The following UBE2E2 variants were observed in gnomAD, a reference collection of about 807,000 sequenced individuals.
UBE2E2 encodes ubiquitin-conjugating enzyme E2 E2.
A neutral mutation model predicts 24.7 loss-of-function variants in UBE2E2; 6 were observed. The observed-to-expected ratio is 0.24, with a 90% confidence interval of 0.13 to 0.48. The LOEUF (loss-of-function observed/expected upper bound fraction) is 0.48, where lower values mean the gene tolerates loss of function less well. Among genes scored for constraint, UBE2E2 ranks in the 20% least tolerant of loss-of-function variants. The probability of loss-of-function intolerance (pLI) is 0.99; values close to 1 mark genes in which losing one functional copy is unlikely to be tolerated. For missense variants in UBE2E2, 169 were observed against 245.0 expected (o/e 0.69, Z 2.07); for synonymous variants, 104 against 83.6 (o/e 1.24, Z -1.33).
At chr3:23,274,412 C>T (rs1038556901) in intron 3 of UBE2E2, among the ~76,000 whole-genome samples, 1 of 152,046 alleles carries the variant, frequency 6.6e-6, no homozygotes, top group Non-Finnish European at 1.5e-5. Context: ...TTGCGGCAGG[C>T]TGCAGTGCAG....
At chr3:23,332,370 C>T (rs1359863641) in intron 3 of UBE2E2, among the ~76,000 whole-genome samples, 2 of 152,112 alleles carry the variant, frequency 1.3e-5, no homozygotes, top group South Asian at 4.1e-4. Flanking sequence ...TCTTGAACTC[C>T]TGGGCTCAAG....
intron 3 of UBE2E2, among the ~76,000 whole-genome samples, chr3:23,464,071 A>G (rs1698870940): frequency 6.6e-6 from 1 of 152,162 alleles, no homozygotes; most frequent in South Asian, 2.1e-4. Flanking sequence ...TATTTAGCAG[A>G]AAATCAACGA....
intron 3 of UBE2E2, among the ~76,000 whole-genome samples, chr3:23,258,221 T>C (rs1012370654): frequency 6.6e-6 from 1 of 152,160 alleles, no homozygotes; most frequent in African/African-American, 2.4e-5. Context: ...AAACAGTCGA[T>C]TCCTCACAAG....
intron 4 of UBE2E2, among the ~76,000 whole-genome samples, chr3:23,530,830 T>C (rs896630872): frequency 2.6e-5 from 4 of 152,142 alleles, no homozygotes; most frequent in African/African-American, 9.7e-5. Flanking sequence ...AACCTCCACT[T>C]TATTAAGACT....
At chr3:23,485,049 G>T (rs1399640943) in intron 3 of UBE2E2, among the ~76,000 whole-genome samples, 1 of 148,350 alleles carries the variant, frequency 6.7e-6, no homozygotes, top group East Asian at 2.0e-4. Context: ...ATTTCCTGAA[G>T]TAATCATAGA....
At chr3:23,359,753 A>T (rs563336220) in intron 3 of UBE2E2, among the ~76,000 whole-genome samples, 1 of 152,142 alleles carries the variant, frequency 6.6e-6, no homozygotes, top group South Asian at 2.1e-4. Flanking sequence ...TCAGGAAATT[A>T]TACTTGCACC....
At chr3:23,228,442 T>TC (rs1358639802) in intron 3 of UBE2E2, among the ~76,000 whole-genome samples, 5 of 152,186 alleles carry the variant, frequency 3.3e-5, no homozygotes, top group African/African-American at 1.2e-4. Flanking sequence ...CATATTACTC[T>TC]CCAACATGTA....
rs141107851 is a variant in UBE2E2 at position 23,287,708 on chromosome 3, A to G, written c.227+70396A>G. On this transcript the variant is annotated intron_variant, in intron 3 of 5. Transcript: ENST00000396703. ...TCTAGGTTTTCAGATGGATTGGCAT[A>G]TCTTTGCTCATAGTGCCCCTAATGA... is the stretch of plus-strand genomic sequence containing the variant. Among the ~76,000 whole-genome samples the G allele has an allele frequency of 2.6e-3, 380 of 148,764 alleles. 3 individuals carry two copies. Among genetic ancestry groups the G allele is most frequent in the African/African-American group, 8.6e-3 (352 of 40,744 alleles).
intron 3 of UBE2E2, among the ~76,000 whole-genome samples, chr3:23,354,284 C>G (rs962955744): frequency 9.9e-5 from 15 of 152,056 alleles, no homozygotes; most frequent in Non-Finnish European, 2.2e-4. Flanking sequence ...CATAAAAACC[C>G]TAGAAGAAAA....
At chr3:23,241,622 A>C (rs2125338446) in intron 3 of UBE2E2, among the ~76,000 whole-genome samples, 1 of 150,908 alleles carries the variant, frequency 6.6e-6, no homozygotes, top group East Asian at 2.0e-4. Context: ...TGATCACCCT[A>C]CCTCAATACA....
At chr3:23,442,824 C>T (rs1698336204) in intron 3 of UBE2E2, among the ~76,000 whole-genome samples, 1 of 152,168 alleles carries the variant, frequency 6.6e-6, no homozygotes, top group Non-Finnish European at 1.5e-5. Context: ...TGTAGCTCTG[C>T]CTGGGGTTTC....
intron 3 of UBE2E2, among the ~76,000 whole-genome samples, chr3:23,293,382 T>A (rs1345489143): frequency 6.6e-6 from 1 of 152,126 alleles, no homozygotes; most frequent in African/African-American, 2.4e-5. Context: ...CATGAAGGAG[T>A]TGAGATCAAA....
intron 3 of UBE2E2, among the ~76,000 whole-genome samples, chr3:23,347,128 T>C (rs1415312941): frequency 3.3e-5 from 5 of 152,206 alleles, no homozygotes; most frequent in Non-Finnish European, 5.9e-5. Context: ...AGTTCAACCA[T>C]TGTGGAAGAC....
At chr3:23,468,371 C>G (rs985287600) in intron 3 of UBE2E2, among the ~76,000 whole-genome samples, 2 of 152,188 alleles carry the variant, frequency 1.3e-5, no homozygotes, top group African/African-American at 4.8e-5. Context: ...TGTACCTATA[C>G]TTTTCCCATA....
intron 3 of UBE2E2, among the ~76,000 whole-genome samples, chr3:23,349,318 T>G (rs1695655157): frequency 6.6e-6 from 1 of 152,006 alleles, no homozygotes; most frequent in African/African-American, 2.4e-5. Context: ...AGAAGACGGG[T>G]GATTTCTGCA....
At chr3:23,552,582 G>A (rs1023078301) in intron 5 of UBE2E2, among the ~76,000 whole-genome samples, 1 of 152,180 alleles carries the variant, frequency 6.6e-6, no homozygotes, top group Non-Finnish European at 1.5e-5. Flanking sequence ...AAATAAATAG[G>A]AGTTAGCACA....
rs566199349 is a variant in UBE2E2 at position 23,548,745 on chromosome 3, A to T, written c.508+16044A>T. Among the ~76,000 whole-genome samples the T allele has an allele frequency of 4.6e-5, 7 of 152,254 alleles. No homozygotes were observed. The South Asian group carries it at 1.5e-3, about 32-fold the overall frequency. On this transcript the variant is annotated intron_variant, in intron 5 of 5. Coordinates refer to ENST00000396703, the MANE Select transcript of UBE2E2 (RefSeq NM_152653.4). Reference sequence around the variant, plus strand: ...TTGCTTGCACTCAGTAAAATATTTAAAAACAAACAGAAGGACTTCCAAGCC... The same window carrying T: ...TTGCTTGCACTCAGTAAAATATTTATAAACAAACAGAAGGACTTCCAAGCC...
chr3:23,530,320 A>G (rs1045637458), intron 4 of UBE2E2, among the ~76,000 whole-genome samples: 4 of 152,154 alleles, frequency 2.6e-5, no homozygotes, highest in African/African-American at 9.7e-5. Flanking sequence ...TGGTTGACCT[A>G]TCAGTTACTG....
At chr3:23,391,282 G>A (rs1390541815) in intron 3 of UBE2E2, among the ~76,000 whole-genome samples, 1 of 152,174 alleles carries the variant, frequency 6.6e-6, no homozygotes, top group Non-Finnish European at 1.5e-5. Flanking sequence ...TATATTAACT[G>A]CTACTTAAAC....
Sources: allele counts gnomAD v4.1 joint callset (sites outside exome capture counted in the v4.1 genomes callset), GRCh38; gene constraint gnomAD v4.1.1; transcripts MANE v1.5; gene names NCBI Gene and HGNC (gene_info 2026-07-23, HGNC 2026-07-21).